The following SUPT3H variants were observed in gnomAD, a reference collection of about 807,000 sequenced individuals.
The protein encoded by SUPT3H is transcription initiation protein SPT3 homolog.
SUPT3H carries 44 observed loss-of-function variants against 44.3 expected under a neutral mutation model. The ratio of observed to expected loss-of-function variants is 0.99; its 90% CI spans 0.78 to 1.28. The LOEUF (loss-of-function observed/expected upper bound fraction) is 1.28, where lower values mean the gene tolerates loss of function less well. Ranked by LOEUF, SUPT3H falls within the 50% of genes most tolerant of loss-of-function variation. The pLI is 0.00. For synonymous variants in SUPT3H, 124 were observed against 125.6 expected, an observed-to-expected ratio of 0.99 and a Z score of 0.09; for missense variants, 380 against 387.1, an observed-to-expected ratio of 0.98 and a Z score of 0.15.
intron 6 of SUPT3H, among the ~76,000 whole-genome samples, chr6:44,985,216 T>TAAATAAAAC (rs1779628790): frequency 8.2e-6 from 1 of 121,956 alleles, no homozygotes; most frequent in Non-Finnish European, 1.8e-5. Context: ...AATAAATAAA[T>TAAATAAAAC]AAAATAAAAT....
At chr6:45,143,116 A>C (rs970605595) in intron 2 of SUPT3H, among the ~76,000 whole-genome samples, 4 of 152,108 alleles carry the variant, frequency 2.6e-5, no homozygotes, top group Admixed American at 1.3e-4. Context: ...ATAGTGGGGG[A>C]CTTCAATACT....
At chr6:45,348,351 G>A (rs865932736) in intron 2 of SUPT3H, among the ~76,000 whole-genome samples, 5 of 151,184 alleles carry the variant, frequency 3.3e-5, no homozygotes, top group African/African-American at 7.3e-5. Flanking sequence ...TAGTTTTATC[G>A]TCTCCTCATT....
chr6:45,142,319 C>T (rs754530464), intron 2 of SUPT3H, among the ~76,000 whole-genome samples: 2 of 152,038 alleles, frequency 1.3e-5, no homozygotes, highest in Non-Finnish European at 2.9e-5. Flanking sequence ...TCTCACAGAG[C>T]CTATAAAATA....
intron 10 of SUPT3H, among the ~76,000 whole-genome samples, chr6:44,884,691 G>A (rs1778841899): frequency 6.6e-6 from 1 of 152,188 alleles, no homozygotes; most frequent in Non-Finnish European, 1.5e-5. Context: ...GAGCAATGCA[G>A]AAGACGGGTG....
intron 6 of SUPT3H, among the ~76,000 whole-genome samples, chr6:44,979,698 C>G (rs1195473452): frequency 6.6e-5 from 10 of 152,112 alleles, no homozygotes; most frequent in Admixed American, 6.5e-4. Context: ...TATCTGCTCT[C>G]ATGACATGGG....
At chr6:44,944,145 T>C (rs1772904918) in intron 9 of SUPT3H, among the ~76,000 whole-genome samples, 1 of 151,818 alleles carries the variant, frequency 6.6e-6, no homozygotes, top group Non-Finnish European at 1.5e-5. Context: ...ATAAAGGACC[T>C]GGACCTATAT....
intron 2 of SUPT3H, among the ~76,000 whole-genome samples, chr6:45,245,556 C>G (rs9381379): frequency 1 from 152,264 of 152,282 alleles, 76,123 homozygotes; most frequent in Non-Finnish European, 1. Flanking sequence ...TTTAGGTCTG[C>G]TTTATTTCAC....
intron 6 of SUPT3H, among the ~76,000 whole-genome samples, chr6:44,963,064 T>G (rs1776265749): frequency 6.6e-6 from 1 of 151,460 alleles, no homozygotes; most frequent in South Asian, 2.1e-4. Flanking sequence ...TATATGTATG[T>G]GTATATATAT....
chr6:44,994,981 G>A (rs1781081513), intron 6 of SUPT3H, among the ~76,000 whole-genome samples: 1 of 150,982 alleles, frequency 6.6e-6, no homozygotes. Flanking sequence ...AATATTAACT[G>A]TTTTCAACTT....
chr6:45,122,903 G>A (rs939164587), intron 2 of SUPT3H, among the ~76,000 whole-genome samples: 1 of 152,144 alleles, frequency 6.6e-6, no homozygotes, highest in Admixed American at 6.6e-5. Flanking sequence ...GAGTCTACAT[G>A]TTCTATTTTC....
At chr6:45,324,378 TA>T (rs1242919417) in intron 2 of SUPT3H, among the ~76,000 whole-genome samples, 1 of 152,048 alleles carries the variant, frequency 6.6e-6, no homozygotes, top group Non-Finnish European at 1.5e-5. Flanking sequence ...CAATACTATC[TA>T]ACAACTGAGG....
intron 2 of SUPT3H, among the ~76,000 whole-genome samples, chr6:45,224,046 A>G (rs1191473101): frequency 6.7e-6 from 1 of 149,504 alleles, no homozygotes; most frequent in Non-Finnish European, 1.5e-5. Flanking sequence ...AATGTACCAA[A>G]AACAAATCAT....
At chr6:44,862,704 TA>T (rs537220758) in intron 10 of SUPT3H, among the ~76,000 whole-genome samples, 2 of 149,744 alleles carry the variant, frequency 1.3e-5, no homozygotes, top group African/African-American at 4.9e-5. Context: ...AATATTAAAA[TA>T]AAAAAAGAAA....
intron 2 of SUPT3H, among the ~76,000 whole-genome samples, chr6:45,320,811 G>A (rs1044663695): frequency 1.3e-5 from 2 of 152,110 alleles, no homozygotes; most frequent in Non-Finnish European, 2.9e-5. Flanking sequence ...ACATAGAGAC[G>A]TAGTCTTCTG....
intron 10 of SUPT3H, among the ~76,000 whole-genome samples, chr6:44,858,628 A>G (rs1414167726): frequency 1.3e-5 from 2 of 152,158 alleles, no homozygotes; most frequent in African/African-American, 4.8e-5. Context: ...GACCTACATA[A>G]ATGGCAATTT....
chr6:45,181,382 C>T (rs1428643615), intron 2 of SUPT3H, among the ~76,000 whole-genome samples: 2 of 151,798 alleles, frequency 1.3e-5, no homozygotes, highest in Admixed American at 6.6e-5. Context: ...ACCCAAAGGA[C>T]TATAAATCAT....
intron 10 of SUPT3H, among the ~76,000 whole-genome samples, chr6:44,832,320 A>ATACTT (rs1388047890): frequency 6.6e-6 from 1 of 152,156 alleles, no homozygotes; most frequent in African/African-American, 2.4e-5. Flanking sequence ...TTCTCATGGA[A>ATACTT]TACTTTGTAT....
chr6:45,320,862 A>T (rs1785377310), intron 2 of SUPT3H, among the ~76,000 whole-genome samples: 2 of 152,184 alleles, frequency 1.3e-5, no homozygotes, highest in Admixed American at 1.3e-4. Flanking sequence ...GTAGTAGTAT[A>T]AACAATTTAG....
intron 3 of SUPT3H, among the ~76,000 whole-genome samples, chr6:45,080,862 G>A (rs1347367839): frequency 2.0e-5 from 3 of 152,002 alleles, no homozygotes; most frequent in Non-Finnish European, 4.4e-5. Context: ...GTATGTGACA[G>A]CAGAACAGAG....
Sources: gnomAD v4.1 joint callset for allele counts (sites outside exome capture counted in the v4.1 genomes callset) on GRCh38, gnomAD v4.1.1 for gene constraint, MANE v1.5 for transcripts, NCBI Gene and HGNC (gene_info 2026-07-23, HGNC 2026-07-21) for gene names.